The following ULK4 variants were observed in gnomAD, a reference collection of about 807,000 sequenced individuals.
ULK4 encodes the protein unc-51 like kinase 4, also known as inactive serine/threonine-protein kinase ULK4.
ULK4 carries 133 observed loss-of-function variants against 160.6 expected under a neutral mutation model. The ratio of observed to expected loss-of-function variants is 0.83; its 90% CI spans 0.72 to 0.96. The LOEUF (loss-of-function observed/expected upper bound fraction) is 0.96. Ranked by LOEUF, ULK4 falls within the 40% of genes least tolerant of loss-of-function variation. The probability of loss-of-function intolerance (pLI) is 0.00; values close to 1 mark genes in which losing one functional copy is unlikely to be tolerated. For synonymous variants in ULK4, 534 were observed against 539.8 expected (o/e 0.99, Z 0.15); for missense variants, 1,580 against 1,499.5 (o/e 1.05, Z -0.89).
chr3:41,584,447 A>G (rs1005495963), intron 31 of ULK4, among the ~76,000 whole-genome samples: 3 of 152,066 alleles, frequency 2.0e-5, no homozygotes, highest in Admixed American at 6.5e-5. Context: ...GCATGCCACT[A>G]TGCTCAGCTA....
At chr3:41,806,655 A>G (rs1270687868) in intron 19 of ULK4, among the ~76,000 whole-genome samples, 1 of 151,968 alleles carries the variant, frequency 6.6e-6, no homozygotes, top group Non-Finnish European at 1.5e-5. Context: ...CACTGCTTTG[A>G]ACATGTCCCA....
intron 32 of ULK4, among the ~76,000 whole-genome samples, chr3:41,476,209 G>A (rs2084140160): frequency 6.6e-6 from 1 of 152,056 alleles, no homozygotes; most frequent in Admixed American, 6.5e-5. Flanking sequence ...TTACCTAGTG[G>A]GAATTGAAAA....
chr3:41,812,277 CCT>C (rs1436486799), intron 19 of ULK4, among the ~76,000 whole-genome samples: 2 of 151,930 alleles, frequency 1.3e-5, no homozygotes, highest in African/African-American at 4.8e-5. Context: ...AGAGCAAGAC[CCT>C]GTCTCAAAAA....
At chr3:41,851,652 G>C (rs1388886794) in intron 17 of ULK4, among the ~76,000 whole-genome samples, 2 of 152,080 alleles carry the variant, frequency 1.3e-5, no homozygotes, top group Non-Finnish European at 2.9e-5. Flanking sequence ...AGAAGGAATG[G>C]TACCAGCTCC....
Position 41,343,524 on chromosome 3 carries a change from G to T in ULK4, c.3678+54555C>A, listed in dbSNP as rs745708507. Among the ~76,000 whole-genome samples, 5 of 151,762 alleles carry T rather than the reference G, an allele frequency of 3.3e-5. 1 individual carries two copies. Among genetic ancestry groups the T allele is most frequent in the Admixed American group, 6.6e-5 (1 of 15,244 alleles). On this transcript the variant is annotated intron_variant, in intron 35 of 36. Transcript: ENST00000301831. ...TCACCATGTTGGCCAGGCTGGTCTC[G>T]AACTCCTGACCTCAGGCAATCCGCC...
intron 35 of ULK4, among the ~76,000 whole-genome samples, chr3:41,348,119 G>A (rs189315278): frequency 7.0e-6 from 1 of 143,156 alleles, no homozygotes; most frequent in Non-Finnish European, 1.5e-5. Flanking sequence ...TGAGGCAGGA[G>A]AATCGCTTGA....
chr3:41,512,852 TATC>T (rs1484174517), intron 32 of ULK4, among the ~76,000 whole-genome samples: 1 of 151,796 alleles, frequency 6.6e-6, no homozygotes, highest in Non-Finnish European at 1.5e-5. Flanking sequence ...AATCTGGAGG[TATC>T]ATATTACCCA....
At chr3:41,266,532 C>A (rs190451045) in intron 35 of ULK4, among the ~76,000 whole-genome samples, 2 of 152,258 alleles carry the variant, frequency 1.3e-5, no homozygotes, top group Non-Finnish European at 2.9e-5. Flanking sequence ...TTCTCACGCA[C>A]AGGCTGTTTG....
intron 35 of ULK4, among the ~76,000 whole-genome samples, chr3:41,284,130 T>C (rs926838709): frequency 4.6e-5 from 7 of 152,114 alleles, no homozygotes; most frequent in Non-Finnish European, 8.8e-5. Context: ...AATCCATCAA[T>C]GTGTCAATTT....
intron 21 of ULK4, among the ~76,000 whole-genome samples, chr3:41,772,951 C>A (rs1436686799): frequency 6.6e-6 from 1 of 152,172 alleles, no homozygotes; most frequent in Non-Finnish European, 1.5e-5. Flanking sequence ...AGCATATAAA[C>A]AGAACCAAAG....
At chr3:41,872,449 C>A (rs1256538207) in intron 17 of ULK4, among the ~76,000 whole-genome samples, 1 of 152,172 alleles carries the variant, frequency 6.6e-6, no homozygotes, top group Non-Finnish European at 1.5e-5. Flanking sequence ...CCCAGCAGGG[C>A]CAAATTCCAA....
intron 35 of ULK4, among the ~76,000 whole-genome samples, chr3:41,318,024 T>A (rs1173652193): frequency 6.6e-6 from 1 of 152,220 alleles, no homozygotes. Context: ...AATCGCTATA[T>A]CTACCACTGT....
intron 35 of ULK4, among the ~76,000 whole-genome samples, chr3:41,273,213 G>GT (rs2079168214): frequency 1.3e-5 from 2 of 152,062 alleles, no homozygotes; most frequent in South Asian, 2.1e-4. Flanking sequence ...GAAACATTTT[G>GT]TTTTTTTGAG....
chr3:41,760,780 G>GA (rs2038958587), intron 21 of ULK4, among the ~76,000 whole-genome samples: 1 of 152,152 alleles, frequency 6.6e-6, no homozygotes, highest in African/African-American at 2.4e-5. Context: ...ACTGAAATCT[G>GA]AAACACTTCT....
In ULK4 at chr3:41,526,640, A is replaced by G. The variant is rs186085095; in HGVS notation, c.3226+39385T>C. On this transcript the variant is annotated intron_variant, in intron 32 of 36. Transcript: ENST00000301831. The stretch of plus-strand genomic sequence containing the variant: ...TGCCCTGTATCTCAGTACTGTCACC[A>G]AAGACTTTTTAGATATGTCTTCCAG... 8.5e-5 allele frequency among the ~76,000 whole-genome samples: 13 copies of G among 152,314 alleles called. No homozygotes were observed. In the East Asian group the frequency reaches 1.9e-3, roughly 23 times the overall value.
rs969979883 is a variant in ULK4 at position 41,777,817 on chromosome 3, T to C, written c.2193+11844A>G. ...TTGTTATAATTTCTGTTCTTTTACA[T>C]TTGCTGAGGAGAGCTTTACTTCCAA... On this transcript the variant is annotated intron_variant, in intron 21 of 36. Transcript: ENST00000301831. Among the ~76,000 whole-genome samples, 5 of 141,948 alleles carry C rather than the reference T, an allele frequency of 3.5e-5. 1 individual carries two copies. The highest frequency in any genetic ancestry group is 1.3e-4 in the African/African-American group (5 of 37,324). 93.1% of individuals were successfully genotyped at this position (141,948 alleles called of 152,430 possible).
intron 35 of ULK4, among the ~76,000 whole-genome samples, chr3:41,344,901 A>G (rs1186401399): frequency 6.6e-6 from 1 of 152,168 alleles, no homozygotes; most frequent in Non-Finnish European, 1.5e-5. Context: ...ACAAAGGTCT[A>G]ATATCCAGAG....
At chr3:41,442,726 T>C (rs2083202945) in intron 34 of ULK4, among the ~76,000 whole-genome samples, 2 of 152,060 alleles carry the variant, frequency 1.3e-5, no homozygotes, top group Non-Finnish European at 2.9e-5. Flanking sequence ...CCCAAAGCAC[T>C]GGGACTACAG....
At chr3:41,831,284 CA>C (rs1349692548) in intron 18 of ULK4, among the ~76,000 whole-genome samples, 8 of 151,722 alleles carry the variant, frequency 5.3e-5, no homozygotes, top group Non-Finnish European at 1.0e-4. Flanking sequence ...CCTTGGCCTC[CA>C]AAAGTACTGG....
Sources: gnomAD v4.1 joint callset for allele counts (sites outside exome capture counted in the v4.1 genomes callset) on GRCh38, gnomAD v4.1.1 for gene constraint, MANE v1.5 for transcripts, NCBI Gene and HGNC (gene_info 2026-07-23, HGNC 2026-07-21) for gene names.